Variants in HTR1D observed in about 807,000 individuals in gnomAD.
HTR1D encodes 5-hydroxytryptamine receptor 1D, also known as 5-HT-1D.
HTR1D carries 18 observed loss-of-function variants against 21.1 expected under a neutral mutation model. The ratio of observed to expected loss-of-function variants is 0.85; its 90% confidence interval spans 0.59 to 1.27. The LOEUF is 1.27. Among genes scored for constraint, HTR1D ranks in the 50% most tolerant of loss-of-function variants. HTR1D has a pLI of 0.00. For missense variants in HTR1D, 456 were observed against 481.4 expected (o/e 0.95, Z 0.49); for synonymous variants, 196 against 204.4 (o/e 0.96, Z 0.35).
At chr1:23,210,000 G>A (rs890333189) in intron 1 of HTR1D, among the ~76,000 whole-genome samples, 8 of 152,082 alleles carry the variant, frequency 5.3e-5, no homozygotes, top group African/African-American at 1.7e-4. Context: ...GTGACTGGGC[G>A]CTTCTCACAC....
intron 1 of HTR1D, among the ~76,000 whole-genome samples, chr1:23,198,487 C>G (rs1408875219): frequency 6.6e-6 from 1 of 152,070 alleles, no homozygotes; most frequent in East Asian, 1.9e-4. Context: ...GTGATGACTA[C>G]CTCATGATTC....
Position 23,193,144 on chromosome 1 carries a change from AAC to A in HTR1D, c.1074_1075del (p.Phe359Ter). ...AAAAGCTTGCCGAAACTCTTCATTA[AAC>A]ACAGTGTAGATTATTGGATTGATGA... On this transcript the variant is annotated frameshift_variant, in exon 2 of 2. Coordinates refer to ENST00000374619, the MANE Select transcript of HTR1D (RefSeq NM_000864.5). LOFTEE classifies it high-confidence loss of function. The A allele has an allele frequency of 1.2e-6, 2 of 1,613,690 alleles. No homozygotes were observed. The highest frequency in any genetic ancestry group is 1.7e-6 in the Non-Finnish European group (2 of 1,179,888).
intron 1 of HTR1D, among the ~76,000 whole-genome samples, chr1:23,202,383 G>A (rs1012594662): frequency 1.6e-4 from 25 of 152,174 alleles, no homozygotes; most frequent in South Asian, 6.2e-4. Flanking sequence ...ATGAGCCACC[G>A]CACCTGGCCA....
At chr1:23,209,474 C>T (rs1557727538) in intron 1 of HTR1D, among the ~76,000 whole-genome samples, 1 of 125,194 alleles carries the variant, frequency 8.0e-6, no homozygotes, top group Non-Finnish European at 1.6e-5. Context: ...ACTGCATTTC[C>T]AGGGAGGGGG....
At chr1:23,202,247 C>T (rs554850700) in intron 1 of HTR1D, among the ~76,000 whole-genome samples, 1 of 152,150 alleles carries the variant, frequency 6.6e-6, no homozygotes. Flanking sequence ...CAGGCATGCA[C>T]CACCACAACC....
chr1:23,216,620 C>T (rs1644774329), intron 1 of HTR1D, among the ~76,000 whole-genome samples: 5 of 152,238 alleles, frequency 3.3e-5, no homozygotes, highest in Admixed American at 3.3e-4. Flanking sequence ...TTCTCAGTGC[C>T]CTTCCAGTTC....
At chr1:23,209,466 T>A (rs139067140) in intron 1 of HTR1D, among the ~76,000 whole-genome samples, 1 of 133,706 alleles carries the variant, frequency 7.5e-6, no homozygotes, top group African/African-American at 2.9e-5. Flanking sequence ...CTCAGGGAAC[T>A]GCATTTCCAG....
At chr1:23,200,106 T>C (rs1044462066) in intron 1 of HTR1D, among the ~76,000 whole-genome samples, 1 of 152,222 alleles carries the variant, frequency 6.6e-6, no homozygotes, top group African/African-American at 2.4e-5. Context: ...TAATTTTTAG[T>C]GCAGAAGATC....
rs750339033 is a variant in HTR1D, at chr1:23,193,148, C to T, written c.1072G>A (p.Val358Met). 1.2e-6 allele frequency: 2 copies of T among 1,613,832 alleles called. No homozygotes were observed. The highest frequency in any genetic ancestry group is 1.7e-6 in the Non-Finnish European group (2 of 1,179,942). The change falls in exon 2 of 2, where the codon GTG becomes ATG. Residue 358 changes from valine to methionine, a missense_variant. Transcript: ENST00000374619. ...GCTTGCCGAAACTCTTCATTAAACACAGTGTAGATTATTGGATTGATGAGG... is the reference window on the plus strand; with the variant it reads ...GCTTGCCGAAACTCTTCATTAAACATAGTGTAGATTATTGGATTGATGAGG... ...NSLINPIIYT[V>M]FNEEFRQAFQ...
At chr1:23,214,425 A>ATCATTCAT (rs142572853) in intron 1 of HTR1D, among the ~76,000 whole-genome samples, 1 of 151,696 alleles carries the variant, frequency 6.6e-6, no homozygotes, top group Non-Finnish European at 1.5e-5. Context: ...AGACTCTGTC[A>ATCATTCAT]TCATTCATTC....
At chr1:23,212,609 C>T (rs558911141) in intron 1 of HTR1D, among the ~76,000 whole-genome samples, 12 of 152,286 alleles carry the variant, frequency 7.9e-5, no homozygotes, top group Non-Finnish European at 1.6e-4. Flanking sequence ...GGCAGGGATA[C>T]GGCTTTGTTC....
chr1:23,205,374 C>T (rs1270850053), intron 1 of HTR1D, among the ~76,000 whole-genome samples: 1 of 152,074 alleles, frequency 6.6e-6, no homozygotes, highest in Non-Finnish European at 1.5e-5. Context: ...ACCACCTGTA[C>T]CCCAATAACC....
Position 23,193,768 on chromosome 1 carries a change from G to A in HTR1D, c.452C>T (p.Thr151Met), listed in dbSNP as rs371294680. 8.5e-5 allele frequency: 137 copies of A among 1,614,034 alleles called. No individual in the cohort carries two copies. Among genetic ancestry groups the A allele is most frequent in the Non-Finnish European group, 9.8e-5 (116 of 1,180,016 alleles). ...GATCATGGTGGCCGCGTGGCCAGCC[G>A]TCCTGCGTTTACTGTATTCCAGGGC... Reference protein sequence around the residue: ...TDALEYSKRRTAGHAATMIAI... With the variant: ...TDALEYSKRRMAGHAATMIAI... Residue 151 changes from threonine (T) to methionine (M), a missense_variant, in exon 2 of 2, where the codon ACG (threonine) becomes ATG (methionine). By Grantham distance (81) the Thr-to-Met change is moderately conservative. Coordinates refer to ENST00000374619, the MANE Select transcript of HTR1D (RefSeq NM_000864.5).
chr1:23,205,499 T>C (rs570737557), intron 1 of HTR1D, among the ~76,000 whole-genome samples: 24 of 152,234 alleles, frequency 1.6e-4, no homozygotes, highest in Non-Finnish European at 3.4e-4. Flanking sequence ...GGTAGCTTGT[T>C]ACACAGCAAT....
At chr1:23,208,287 G>A (rs1644739754) in intron 1 of HTR1D, among the ~76,000 whole-genome samples, 1 of 152,092 alleles carries the variant, frequency 6.6e-6, no homozygotes, top group African/African-American at 2.4e-5. Flanking sequence ...AAATTAGCCA[G>A]GTGGCTGGGC....
In HTR1D at chr1:23,193,650, C is replaced by G; in HGVS notation, c.570G>C (p.Val190=). 2 of 1,613,604 alleles carry G rather than the reference C, an allele frequency of 1.2e-6. No homozygotes were observed. Among genetic ancestry groups the G allele is most frequent in the Non-Finnish European group, 1.7e-6 (2 of 1,179,722 alleles). The change falls in exon 2 of 2, where the codon GTG becomes GTC. Residue 190 remains valine, a synonymous_variant. Transcript: ENST00000374619. ...TGGTGTAGGAGATCTGAGAGGTGTT[C>G]ACCAGACAGTCCGACATCTCCTCCT... The part of the protein sequence containing the change: ...KAQEEMSDCL[V]NTSQISYTIY...
At chr1:23,202,960 G>A (rs1398205124) in intron 1 of HTR1D, among the ~76,000 whole-genome samples, 2 of 152,032 alleles carry the variant, frequency 1.3e-5, no homozygotes, top group African/African-American at 4.8e-5. Flanking sequence ...TGTCACCAAG[G>A]CTGGTGTGCA....
chr1:23,195,524 T>C (rs1644685490), intron 1 of HTR1D, among the ~76,000 whole-genome samples: 1 of 152,058 alleles, frequency 6.6e-6, no homozygotes, highest in Admixed American at 6.6e-5. Context: ...CTGCAACCTC[T>C]GCCTCCTGGG....
At chr1:23,206,310 G>A (rs1009752084) in intron 1 of HTR1D, among the ~76,000 whole-genome samples, 1 of 152,090 alleles carries the variant, frequency 6.6e-6, no homozygotes, top group South Asian at 2.1e-4. Context: ...GATTACGGGC[G>A]TGAGCCAACG....
Sources: allele counts gnomAD v4.1 joint callset (sites outside exome capture counted in the v4.1 genomes callset), GRCh38; gene constraint gnomAD v4.1.1; transcripts MANE v1.5; gene names NCBI Gene and HGNC (gene_info 2026-07-23, HGNC 2026-07-21).